Variants in CLIP2 observed in about 807,000 individuals in gnomAD.
The protein encoded by CLIP2 is CAP-Gly domain containing linker protein 2.
In CLIP2, 41 loss-of-function variants were observed where a neutral mutation model predicts 111.7. That is an observed-to-expected ratio of 0.37 (90% CI 0.29 to 0.48). CLIP2 has a LOEUF of 0.48. Ranked by LOEUF, CLIP2 falls within the 20% of genes least tolerant of loss-of-function variation. CLIP2 has a pLI of 0.99. For synonymous variants in CLIP2, 660 were observed against 644.2 expected, an observed-to-expected ratio of 1.02 and a Z score of -0.37; for missense variants, 1,160 against 1,422.1, an observed-to-expected ratio of 0.82 and a Z score of 2.96.
At position 74,360,219 on chromosome 7, in the gene CLIP2, C is replaced by G. The variant is rs560402454; in HGVS notation, c.1260C>G (p.Leu420=). The stretch of plus-strand genomic sequence containing the variant: ...AGAAGCTGCAGCGAGCCCGGCTGCT[C>G]GTGGAGAGCGTGCGGAAAGAGAAGG... ...AEEKLQRARL[L]VESVRKEKVD... Residue 420 remains leucine, a synonymous_variant, in exon 7 of 17, where the codon CTC becomes CTG. Coordinates refer to ENST00000223398, the MANE Select transcript of CLIP2 (RefSeq NM_003388.5). 4.4e-6 allele frequency: 7 copies of G among 1,607,738 alleles called. No individual in the cohort carries two copies. The South Asian group carries it at 5.6e-5, about 13-fold the overall frequency.
intron 8 of CLIP2, among the ~76,000 whole-genome samples, chr7:74,365,477 C>T (rs1227887410): frequency 6.6e-6 from 1 of 152,198 alleles, no homozygotes; most frequent in African/African-American, 2.4e-5. Context: ...GCTCTTCTCC[C>T]AGCCCCGCCC....
intron 1 of CLIP2, among the ~76,000 whole-genome samples, chr7:74,312,440 C>T (rs1584316123): frequency 6.6e-6 from 1 of 152,040 alleles, no homozygotes. Context: ...TGAGAGGGTC[C>T]CCCAGCTGAG....
In CLIP2 at chr7:74,390,217, G is replaced by GAAAGAA. The variant is rs1554315650; in HGVS notation, c.2720+960_2720+965dup. Among the ~76,000 whole-genome samples, 13 of 86,530 alleles carry GAAAGAA rather than the reference G, an allele frequency of 1.5e-4. 1 individual carries two copies. Among genetic ancestry groups the GAAAGAA allele is most frequent in the Non-Finnish European group, 1.4e-4 (5 of 36,830 alleles). 56.8% of individuals were successfully genotyped at this position (86,530 alleles called of 152,430 possible). On this transcript the variant is annotated intron_variant, in intron 13 of 16. Coordinates refer to ENST00000223398, the MANE Select transcript of CLIP2 (RefSeq NM_003388.5). ...AGAAAGAAAGAAAGAAAGAAAGAAA[G>GAAAGAA]AAAGAAAGGATTAATGCCTCCCCAA...
chr7:74,363,918 GAGGA>G (rs148403100), intron 7 of CLIP2, among the ~76,000 whole-genome samples: 10,281 of 149,400 alleles, frequency 0.069, 883 homozygotes, highest in East Asian at 0.33. Flanking sequence ...AAAAGGGAGG[GAGGA>G]AGGAAGGAAG....
intron 16 of CLIP2, 176 bp downstream of exon 16, chr7:74,401,743 C>T: frequency 1.4e-6 from 1 of 732,830 alleles, no homozygotes; most frequent in Non-Finnish European, 2.4e-6. Context: ...TCACCCTGCT[C>T]TTTTTGATTT....
At chr7:74,375,826 C>T in intron 9 of CLIP2, 61 bp from the exon 10 acceptor site, 1 of 1,398,176 alleles carries the variant, frequency 7.2e-7, no homozygotes, top group Admixed American at 2.7e-5. Flanking sequence ...ACCATTGTGC[C>T]CTCCTTACCT....
At chr7:74,360,811 A>C (rs574472389) in intron 7 of CLIP2, among the ~76,000 whole-genome samples, 1 of 152,260 alleles carries the variant, frequency 6.6e-6, no homozygotes, top group South Asian at 2.1e-4. Flanking sequence ...TCGGCCTCCC[A>C]AAGTGCAGGC....
chr7:74,369,854 C>CAA (rs58294211), intron 8 of CLIP2, among the ~76,000 whole-genome samples: 102 of 9,428 alleles, frequency 0.011, 7 homozygotes, highest in Admixed American at 0.018. Context: ...GACTCTGCCT[C>CAA]AAAAAAAAAA....
At chr7:74,365,941 G>T (rs1790462657) in intron 8 of CLIP2, among the ~76,000 whole-genome samples, 2 of 151,510 alleles carry the variant, frequency 1.3e-5, no homozygotes, top group South Asian at 4.2e-4. Flanking sequence ...TTTTTTTGTA[G>T]AGGCTGGGTC....
intron 2 of CLIP2, among the ~76,000 whole-genome samples, chr7:74,337,054 T>A (rs1789494290): frequency 6.6e-6 from 1 of 151,642 alleles, no homozygotes; most frequent in African/African-American, 2.4e-5. Flanking sequence ...TCCGGCTAAT[T>A]TTTTTGTATT....
intron 3 of CLIP2, among the ~76,000 whole-genome samples, chr7:74,352,267 T>C (rs1185015163): frequency 6.6e-6 from 1 of 152,068 alleles, no homozygotes; most frequent in African/African-American, 2.4e-5. Flanking sequence ...AAACCCCATC[T>C]TTACTAAAAA....
At chr7:74,291,429 G>A (rs1788014832) in intron 1 of CLIP2, among the ~76,000 whole-genome samples, 1 of 152,222 alleles carries the variant, frequency 6.6e-6, no homozygotes, top group African/African-American at 2.4e-5. Context: ...GAGTTCAGAT[G>A]CTGGAGCTTA....
chr7:74,317,652 G>A lies in CLIP2; in HGVS notation c.106G>A (p.Ala36Thr), dbSNP rs782718045. The A allele has an allele frequency of 3.7e-5, 56 of 1,498,184 alleles. No individual in the cohort carries two copies. The highest frequency in any genetic ancestry group is 5.2e-5 in the East Asian group (2 of 38,768). The allele number at this position is 1,498,184 out of a possible 1,614,324, so 92.8% of individuals were successfully genotyped here. Residue 36 changes from alanine (A) to threonine (T), a missense_variant, in exon 2 of 17, where the codon GCT becomes ACT. By Grantham distance (58) the Ala-to-Thr change is moderately conservative (BLOSUM62 0). This residue lies in a region of CLIP2 where 301 missense variants were observed against 315.2 expected (regional missense o/e 0.96). Coordinates refer to ENST00000223398, the MANE Select transcript of CLIP2 (RefSeq NM_003388.5). ...AGCTTCATCCTCGGCGGCGGTGGCCGCTAGCTCCAAGGAAGGTACGTGGCA... is the reference window on the plus strand; with the variant it reads ...AGCTTCATCCTCGGCGGCGGTGGCCACTAGCTCCAAGGAAGGTACGTGGCA... The part of the protein sequence containing the change: ...GSASSSAAVA[A>T]SSKEGSPLHK...
At chr7:74,381,541 A>C (rs1554313910) in intron 11 of CLIP2, 2 of 452,958 alleles carry the variant, frequency 4.4e-6, no homozygotes, top group Admixed American at 4.8e-5. Context: ...GGCATATGGC[A>C]AACTAACTCT....
chr7:74,358,999 C>G (rs781969719), intron 6 of CLIP2, among the ~76,000 whole-genome samples: 30 of 152,006 alleles, frequency 2.0e-4, no homozygotes, highest in Non-Finnish European at 3.5e-4. Flanking sequence ...GAGTCTCGCT[C>G]TGTCACCCAG....
chr7:74,388,859 G>A (rs1446736160), intron 12 of CLIP2: 4 of 391,172 alleles, frequency 1.0e-5, no homozygotes, highest in East Asian at 4.8e-5. Context: ...AGGAGGCTGA[G>A]GCAGGAGGAT....
rs1554314833 is a variant in CLIP2, at chr7:74,386,582, G to A, written c.2541G>A (p.Glu847=). The A allele has an allele frequency of 6.2e-7, 1 of 1,610,424 alleles. No individual in the cohort carries two copies. Among genetic ancestry groups the A allele is most frequent in the East Asian group, 2.2e-5 (1 of 44,556 alleles). The change falls in exon 12 of 17, where the codon GAG becomes GAA. Residue 847 remains glutamate (E), a synonymous_variant. Transcript: ENST00000223398. ...KEVTALTSQT[E]MLRAQVSALE... is the part of the protein sequence containing the mutation. ...TGACAGCCTTGACCTCCCAGACCGA[G>A]ATGCTCAGGGCCCAAGTAAGTGGTA...
chr7:74,394,042 A>G (rs950186170), intron 13 of CLIP2, among the ~76,000 whole-genome samples: 15 of 152,050 alleles, frequency 9.9e-5, no homozygotes, highest in Non-Finnish European at 1.9e-4. Context: ...CCCTCCGCTG[A>G]GTCTCGATAG....
chr7:74,311,491 A>G (rs1447583753), intron 1 of CLIP2, among the ~76,000 whole-genome samples: 2 of 152,170 alleles, frequency 1.3e-5, no homozygotes, highest in Non-Finnish European at 2.9e-5. Flanking sequence ...GATGTTAGTC[A>G]TCTTTTCATG....
Sources: allele counts gnomAD v4.1 joint callset (sites outside exome capture counted in the v4.1 genomes callset), GRCh38; gene constraint gnomAD v4.1.1; regional missense constraint gnomAD v4.1.1; transcripts MANE v1.5; gene names NCBI Gene and HGNC (gene_info 2026-07-23, HGNC 2026-07-21).